The following AK7 variants were observed in gnomAD, a reference collection of about 807,000 sequenced individuals.
AK7 encodes the protein adenylate kinase 7.
In AK7, 78 loss-of-function variants were observed where a neutral mutation model predicts 96.6. That is an observed-to-expected ratio of 0.81 (90% CI 0.67 to 0.97). The LOEUF is 0.97. AK7 is among the 50% of genes least tolerant of loss of function. The pLI, the probability that AK7 is intolerant of heterozygous loss-of-function variation, is 0.00. For synonymous variants in AK7, 302 were observed against 317.2 expected (o/e 0.95, Z 0.51); for missense variants, 855 against 887.9 (o/e 0.96, Z 0.47).
intron 5 of AK7, among the ~76,000 whole-genome samples, chr14:96,425,503 G>C (rs566531248): frequency 2.3e-3 from 83 of 35,712 alleles, no homozygotes; most frequent in Non-Finnish European, 3.8e-3. Context: ...TTTTTTTTGA[G>C]ACAGAGTCTT....
chr14:96,405,268 G>A (rs755963126), intron 3 of AK7, among the ~76,000 whole-genome samples: 5 of 151,920 alleles, frequency 3.3e-5, no homozygotes, highest in Non-Finnish European at 7.4e-5. Flanking sequence ...CTACAGCCTC[G>A]AACTCCTGGG....
intron 10 of AK7, 138 bp downstream of exon 10, chr14:96,451,708 T>C: frequency 1.1e-6 from 1 of 899,012 alleles, no homozygotes; most frequent in Non-Finnish European, 1.5e-6. Flanking sequence ...TTTGACAAAT[T>C]TGTCCAGGTC....
At position 96,471,608 on chromosome 14, in the gene AK7, T is replaced by A. The variant is rs1894895193; in HGVS notation, c.1486+2T>A. 1 of 1,542,494 alleles carries A rather than the reference T, an allele frequency of 6.5e-7. No homozygotes were observed. The highest frequency in any genetic ancestry group is 1.4e-5 in the African/African-American group (1 of 71,744). ...ATCAAGCAAAAGACCTGTTCAATCG[T>A]AAGTTTGAGTGTTCTATTTTGAGTA... On this transcript the variant is annotated splice_donor_variant, in intron 13 of 17. Transcript: ENST00000267584. LOFTEE classifies it high-confidence loss of function.
At chr14:96,404,100 C>T (rs914806889) in intron 2 of AK7, among the ~76,000 whole-genome samples, 10 of 145,526 alleles carry the variant, frequency 6.9e-5, no homozygotes, top group Non-Finnish European at 1.5e-4. Flanking sequence ...GCTGAGATCA[C>T]GCCACTGCAC....
intron 5 of AK7, among the ~76,000 whole-genome samples, chr14:96,433,429 A>G (rs549511733): frequency 1.3e-5 from 2 of 152,198 alleles, no homozygotes; most frequent in East Asian, 3.9e-4. Flanking sequence ...CTGACCTTCA[A>G]TCACTGATAC....
intron 3 of AK7, among the ~76,000 whole-genome samples, chr14:96,406,972 A>G (rs1890747922): frequency 6.6e-6 from 1 of 152,204 alleles, no homozygotes; most frequent in Non-Finnish European, 1.5e-5. Context: ...ACACCCAGCT[A>G]TGTATTATTT....
chr14:96,443,754 A>T (rs978452190), intron 7 of AK7, among the ~76,000 whole-genome samples: 1 of 149,178 alleles, frequency 6.7e-6, no homozygotes, highest in Non-Finnish European at 1.5e-5. Context: ...GATGAGCTTT[A>T]AAAAAAATAA....
At chr14:96,472,947 T>C (rs934272903) in intron 14 of AK7, among the ~76,000 whole-genome samples, 192 bp downstream of exon 14, 33 of 152,056 alleles carry the variant, frequency 2.2e-4, no homozygotes, top group African/African-American at 7.2e-4. Flanking sequence ...CTGGGTGTCG[T>C]AGCGTGTGCC....
intron 5 of AK7, among the ~76,000 whole-genome samples, chr14:96,434,422 G>GTC (rs3077780): frequency 0.046 from 6,866 of 149,336 alleles, 182 homozygotes; most frequent in Non-Finnish European, 0.055. Context: ...CTGTCTGTCT[G>GTC]TCTCTCTCTC....
At chr14:96,435,068 C>A (rs1892566047) in intron 5 of AK7, among the ~76,000 whole-genome samples, 1 of 151,978 alleles carries the variant, frequency 6.6e-6, no homozygotes, top group South Asian at 2.1e-4. Flanking sequence ...TGGCAGGGAC[C>A]CCAAGAGCCT....
chr14:96,449,866 C>G lies in AK7; in HGVS notation c.935C>G (p.Thr312Ser). The change falls in exon 9 of 18, where the codon ACC becomes AGC. Residue 312 changes from threonine (T) to serine (S), a missense_variant. Thr to Ser is a moderately conservative substitution (Grantham distance 58). Coordinates refer to ENST00000267584, the MANE Select transcript of AK7 (RefSeq NM_152327.5). ...QKIPRENAYL[T>S]KDLTQDCLDH... ...ATACCCAGAGAAAATGCATACCTAA[C>G]CAAGGACTTAACGGTTAGTATATGC... The G allele has an allele frequency of 6.2e-7, 1 of 1,607,578 alleles. No individual in the cohort carries two copies. Among genetic ancestry groups the G allele is most frequent in the Non-Finnish European group, 8.5e-7 (1 of 1,176,712 alleles).
intron 10 of AK7, among the ~76,000 whole-genome samples, chr14:96,454,166 G>A (rs1566794893): frequency 6.6e-6 from 1 of 152,104 alleles, no homozygotes; most frequent in Non-Finnish European, 1.5e-5. Flanking sequence ...CTGTCAAATG[G>A]TAGTAATGAT....
chr14:96,412,238 T>C (rs1474546239), intron 4 of AK7, among the ~76,000 whole-genome samples: 1 of 149,646 alleles, frequency 6.7e-6, no homozygotes, highest in African/African-American at 2.5e-5. Flanking sequence ...TTTTTTTTTT[T>C]TTTTTTTGAG....
chr14:96,417,134 T>C (rs1231380885), intron 4 of AK7, among the ~76,000 whole-genome samples: 1 of 152,178 alleles, frequency 6.6e-6, no homozygotes, highest in Non-Finnish European at 1.5e-5. Context: ...CAGCATGCCA[T>C]GTGAGCCAGG....
intron 1 of AK7, among the ~76,000 whole-genome samples, chr14:96,394,596 G>A (rs1268063354): frequency 6.6e-6 from 1 of 152,204 alleles, no homozygotes; most frequent in African/African-American, 2.4e-5. Context: ...GGTCATGGAT[G>A]GCCTTGGCCA....
chr14:96,402,391 A>G (rs1265663910), intron 2 of AK7, among the ~76,000 whole-genome samples: 3 of 152,242 alleles, frequency 2.0e-5, no homozygotes, highest in African/African-American at 7.2e-5. Flanking sequence ...CATCTTAAAT[A>G]GAGCCAACCA....
intron 5 of AK7, among the ~76,000 whole-genome samples, chr14:96,422,918 A>C (rs945821554): frequency 6.6e-6 from 1 of 152,182 alleles, no homozygotes; most frequent in African/African-American, 2.4e-5. Flanking sequence ...AATTATGATG[A>C]TGATGATTTT....
intron 8 of AK7, among the ~76,000 whole-genome samples, chr14:96,446,962 T>A (rs1240816179): frequency 2.0e-5 from 3 of 152,134 alleles, no homozygotes; most frequent in East Asian, 1.9e-4. Context: ...AATAAAAAAT[T>A]AAAATAAAAA....
intron 16 of AK7, among the ~76,000 whole-genome samples, chr14:96,484,945 G>A (rs1895691639): frequency 1.3e-5 from 2 of 152,180 alleles, no homozygotes; most frequent in African/African-American, 2.4e-5. Context: ...AAGGAGGGAT[G>A]GAGGGAGGGA....
Sources: gnomAD v4.1 joint callset for allele counts (sites outside exome capture counted in the v4.1 genomes callset) on GRCh38, gnomAD v4.1.1 for gene constraint, MANE v1.5 for transcripts, NCBI Gene and HGNC (gene_info 2026-07-23, HGNC 2026-07-21) for gene names.